EPHA6: variants seen among roughly 807,000 people sequenced by gnomAD.
EPHA6 encodes the protein ephrin type-A receptor 6.
Under a neutral mutation model 112.0 loss-of-function variants are expected in EPHA6, and 50 were observed. That is an observed-to-expected ratio of 0.45 (90% CI 0.36 to 0.56). EPHA6 has a LOEUF of 0.56. Ranked by LOEUF, EPHA6 falls within the 20% of genes least tolerant of loss-of-function variation. EPHA6 has a pLI of 0.00. For missense variants in EPHA6, 1,280 were observed against 1,417.4 expected, an observed-to-expected ratio of 0.90 and a Z score of 1.56; for synonymous variants, 529 against 490.7, an observed-to-expected ratio of 1.08 and a Z score of -1.03.
At chr3:97,379,285 A>G (rs1176702141) in intron 5 of EPHA6, among the ~76,000 whole-genome samples, 1 of 152,144 alleles carries the variant, frequency 6.6e-6, no homozygotes, top group African/African-American at 2.4e-5. Flanking sequence ...TTTCCTTCCC[A>G]GTCTTGTGTA....
intron 6 of EPHA6, among the ~76,000 whole-genome samples, chr3:97,440,005 A>G (rs1301459581): frequency 6.6e-6 from 1 of 152,150 alleles, no homozygotes; most frequent in African/African-American, 2.4e-5. Flanking sequence ...AATACTGACT[A>G]TGCATCCAGC....
At chr3:97,444,063 T>C (rs1436298288) in intron 6 of EPHA6, among the ~76,000 whole-genome samples, 2 of 152,168 alleles carry the variant, frequency 1.3e-5, no homozygotes, top group Admixed American at 6.5e-5. Flanking sequence ...CCAGTTCTTA[T>C]TTCACAAGAC....
chr3:97,712,768 A>G (rs961061806), intron 14 of EPHA6, among the ~76,000 whole-genome samples: 1 of 152,222 alleles, frequency 6.6e-6, no homozygotes, highest in South Asian at 2.1e-4. Flanking sequence ...GGGTTTGAAT[A>G]GCACGATAAG....
chr3:97,373,654 C>T (rs539195811), intron 5 of EPHA6, among the ~76,000 whole-genome samples: 1 of 152,100 alleles, frequency 6.6e-6, no homozygotes, highest in Non-Finnish European at 1.5e-5. Flanking sequence ...AGAAATACTG[C>T]TTTTGAGATA....
chr3:97,359,624 G>T (rs1246468886), intron 5 of EPHA6, among the ~76,000 whole-genome samples: 1 of 151,804 alleles, frequency 6.6e-6, no homozygotes, highest in African/African-American at 2.4e-5. Context: ...GCTCCTTTGT[G>T]TGGGTCATAT....
chr3:97,325,483 C>G (rs938491086), intron 5 of EPHA6, among the ~76,000 whole-genome samples: 2 of 152,086 alleles, frequency 1.3e-5, no homozygotes, highest in African/African-American at 4.8e-5. Flanking sequence ...CATTTTAACT[C>G]AATCACTTCT....
intron 5 of EPHA6, among the ~76,000 whole-genome samples, chr3:97,387,016 G>A (rs1284566684): frequency 6.6e-6 from 1 of 152,182 alleles, no homozygotes; most frequent in Admixed American, 6.5e-5. Flanking sequence ...TCATGATGAA[G>A]AGCACCATGT....
At chr3:97,252,943 C>G (rs181470324) in intron 5 of EPHA6, among the ~76,000 whole-genome samples, 2 of 152,168 alleles carry the variant, frequency 1.3e-5, no homozygotes, top group Non-Finnish European at 2.9e-5. Flanking sequence ...TGTTACTCAG[C>G]AAACCAATAT....
rs142783078 is a variant in EPHA6 at position 96,980,143 on chromosome 3, C to T, written c.451-7187C>T. 1.1e-4 allele frequency among the ~76,000 whole-genome samples: 17 copies of T among 152,126 alleles called. No homozygotes were observed. In the East Asian group the frequency reaches 1.2e-3, roughly 10 times the overall value. On this transcript the variant is annotated intron_variant, in intron 2 of 17. Transcript: ENST00000389672. Reference sequence around the variant, plus strand: ...TCCTTGCCCATGCCTATGTCCTGAACGGTATTACCTAGGTTTTCTTCTAGG... The same window carrying T: ...TCCTTGCCCATGCCTATGTCCTGAATGGTATTACCTAGGTTTTCTTCTAGG...
At position 97,161,726 on chromosome 3, in the gene EPHA6, T is replaced by G. The variant is rs1428104216; in HGVS notation, c.1115-64538T>G. Among the ~76,000 whole-genome samples, 6 of 152,248 alleles carry G rather than the reference T, an allele frequency of 3.9e-5. No individual in the cohort carries two copies. The East Asian group carries it at 1.2e-3, about 29-fold the overall frequency. On this transcript the variant is annotated intron_variant, in intron 3 of 17. Coordinates refer to ENST00000389672, the MANE Select transcript of EPHA6 (RefSeq NM_001080448.3). ...TGGCAGAAAAAAAAAGGCCCCTGAA[T>G]TTTTGTCATATTTATTTATCACTCT...
intron 3 of EPHA6, among the ~76,000 whole-genome samples, chr3:97,054,390 A>G (rs2045785863): frequency 6.6e-6 from 1 of 152,168 alleles, no homozygotes; most frequent in Admixed American, 6.6e-5. Flanking sequence ...CTATGAGACT[A>G]CTGAAAATGA....
chr3:96,844,579 A>G (rs1252094370), intron 1 of EPHA6, among the ~76,000 whole-genome samples: 1 of 152,022 alleles, frequency 6.6e-6, no homozygotes, highest in African/African-American at 2.4e-5. Flanking sequence ...CTGAGTTATG[A>G]TGAGGTAGTA....
At chr3:97,401,555 T>C (rs2086991489) in intron 5 of EPHA6, among the ~76,000 whole-genome samples, 2 of 151,804 alleles carry the variant, frequency 1.3e-5, no homozygotes, top group African/African-American at 4.8e-5. Context: ...TTTGTTTATT[T>C]GGGTGTTCTT....
intron 3 of EPHA6, among the ~76,000 whole-genome samples, chr3:96,995,078 A>G (rs913537199): frequency 6.6e-6 from 1 of 152,050 alleles, no homozygotes; most frequent in South Asian, 2.1e-4. Flanking sequence ...GGTAAATGGG[A>G]TATACAGGGC....
intron 9 of EPHA6, among the ~76,000 whole-genome samples, chr3:97,479,899 G>C (rs900793333): frequency 6.6e-6 from 1 of 152,026 alleles, no homozygotes; most frequent in African/African-American, 2.4e-5. Context: ...TACCACTATA[G>C]CTGGTTTGAT....
At chr3:96,855,239 C>T (rs1022602924) in intron 1 of EPHA6, among the ~76,000 whole-genome samples, 2 of 152,044 alleles carry the variant, frequency 1.3e-5, no homozygotes, top group Non-Finnish European at 2.9e-5. Flanking sequence ...ATTTTAAGGG[C>T]GATTAGAAAC....
At position 96,946,745 on chromosome 3, in the gene EPHA6, G is replaced by T. The variant is rs151095615; in HGVS notation, c.451-40585G>T. Among the ~76,000 whole-genome samples the T allele has an allele frequency of 8.1e-3, 1,239 of 152,210 alleles. 15 individuals are homozygous for T. Among genetic ancestry groups the T allele is most frequent in the African/African-American group, 0.022 (924 of 41,528 alleles). ...TCTAGTTCTAGATCCTTGAGGAATC[G>T]CCACACTGACTTCCACAATGGTTGA... is the stretch of plus-strand genomic sequence containing the variant. On this transcript the variant is annotated intron_variant, in intron 2 of 17. Coordinates refer to ENST00000389672, the MANE Select transcript of EPHA6 (RefSeq NM_001080448.3).
rs1482594579 is a variant in EPHA6, at chr3:97,750,890, A to G, written c.*2189A>G. Among the ~76,000 whole-genome samples, 2 of 152,174 alleles carry G rather than the reference A, an allele frequency of 1.3e-5. No homozygotes were observed. Among genetic ancestry groups the G allele is most frequent in the African/African-American group, 4.8e-5 (2 of 41,460 alleles). On this transcript the variant is annotated 3_prime_UTR_variant, in exon 18 of 18. Coordinates refer to ENST00000389672, the MANE Select transcript of EPHA6 (RefSeq NM_001080448.3). Reference sequence around the variant, plus strand: ...CACTTTTCAAGTAAGTGTGCCAGATATAGCTAGCCACATTTTCCAGCCATC... The same window carrying G: ...CACTTTTCAAGTAAGTGTGCCAGATGTAGCTAGCCACATTTTCCAGCCATC...
At chr3:97,189,117 A>AC (rs1304939894) in intron 3 of EPHA6, among the ~76,000 whole-genome samples, 10 of 152,156 alleles carry the variant, frequency 6.6e-5, no homozygotes, top group African/African-American at 2.4e-4. Flanking sequence ...TGGAAACTTT[A>AC]CAAGGTGTCC....
Sources: allele counts gnomAD v4.1 joint callset (sites outside exome capture counted in the v4.1 genomes callset), GRCh38; gene constraint gnomAD v4.1.1; transcripts MANE v1.5; gene names NCBI Gene and HGNC (gene_info 2026-07-23, HGNC 2026-07-21).